The following CAMK1D variants were observed in gnomAD, a reference collection of about 807,000 sequenced individuals.
CAMK1D encodes the protein calcium/calmodulin dependent protein kinase ID.
A neutral mutation model predicts 47.7 loss-of-function variants in CAMK1D; 9 were observed. The ratio of observed to expected loss-of-function variants is 0.19; its 90% confidence interval spans 0.11 to 0.33. CAMK1D has a LOEUF of 0.33. Ranked by LOEUF, CAMK1D falls within the 10% of genes least tolerant of loss-of-function variation. The pLI, the probability that CAMK1D is intolerant of heterozygous loss-of-function variation, is 1.00. For synonymous variants in CAMK1D, 184 were observed against 184.9 expected (o/e 0.99, Z 0.04); for missense variants, 291 against 488.7 (o/e 0.60, Z 3.81).
chr10:12,475,397 G>GTCTGTT lies in CAMK1D; in HGVS notation c.93-77825_93-77820dup, dbSNP rs1833872603. ...ATACTGTATGTGTCCTTTGTGTCTG[G>GTCTGTT]TCTGTTTCACTTAGCATAATGTCCT... On this transcript the variant is annotated intron_variant, in intron 1 of 10. Coordinates refer to ENST00000619168, the MANE Select transcript of CAMK1D (RefSeq NM_153498.4). Among the ~76,000 whole-genome samples, 3 of 152,108 alleles carry GTCTGTT rather than the reference G, an allele frequency of 2.0e-5. No individual in the cohort carries two copies. The South Asian group carries it at 6.2e-4, about 32-fold the overall frequency.
At chr10:12,748,694 C>G (rs765005192) in intron 3 of CAMK1D, among the ~76,000 whole-genome samples, 8 of 152,146 alleles carry the variant, frequency 5.3e-5, no homozygotes, top group Admixed American at 4.6e-4. Flanking sequence ...GTGACCATAG[C>G]AGGGAGAGCC....
chr10:12,808,350 C>T (rs114623851), intron 6 of CAMK1D, among the ~76,000 whole-genome samples: 1,583 of 152,302 alleles, frequency 0.01, 27 homozygotes, highest in African/African-American at 0.036. Flanking sequence ...ATTGTATTTC[C>T]AGTATCAAAC....
chr10:12,730,617 TG>T (rs1834844745), intron 3 of CAMK1D, among the ~76,000 whole-genome samples: 1 of 152,062 alleles, frequency 6.6e-6, no homozygotes, highest in Admixed American at 6.5e-5. Context: ...GACTGAGCTC[TG>T]GGGCTGACCA....
intron 1 of CAMK1D, among the ~76,000 whole-genome samples, chr10:12,489,287 C>T (rs75943238): frequency 0.023 from 3,559 of 152,118 alleles, 113 homozygotes; most frequent in African/African-American, 0.066. Flanking sequence ...GTTTATGGCC[C>T]GCAGGCTGAG....
chr10:12,777,394 C>T (rs1351317768), intron 5 of CAMK1D, among the ~76,000 whole-genome samples: 3 of 81,614 alleles, frequency 3.7e-5, no homozygotes, highest in South Asian at 4.3e-4. Context: ...TTTTTTGAGA[C>T]GGAGTTTTGC....
intron 1 of CAMK1D, among the ~76,000 whole-genome samples, chr10:12,552,605 G>A (rs550578534): frequency 1.4e-4 from 22 of 152,328 alleles, no homozygotes; most frequent in African/African-American, 5.1e-4. Flanking sequence ...GAGCGTTCTT[G>A]TTGGCTCCAA....
In CAMK1D at chr10:12,829,005, C is replaced by G; in HGVS notation, c.*118C>G. 1.5e-6 allele frequency: 1 copy of G among 682,512 alleles called. No homozygotes were observed. Among genetic ancestry groups the G allele is most frequent in the Non-Finnish European group, 2.4e-6 (1 of 416,914 alleles). 42.3% of individuals were successfully genotyped at this position (682,512 alleles called of 1,614,324 possible). On this transcript the variant is annotated 3_prime_UTR_variant, in exon 11 of 11. Transcript: ENST00000619168. ...GCATGGTGCCCCTTCCTGCATAGGA[C>G]TGGAAGACCGAAGTTTTTTTATGGC... is the stretch of plus-strand genomic sequence containing the variant.
At chr10:12,533,581 A>G (rs1320552354) in intron 1 of CAMK1D, among the ~76,000 whole-genome samples, 1 of 152,160 alleles carries the variant, frequency 6.6e-6, no homozygotes, top group Non-Finnish European at 1.5e-5. Context: ...CTTTAGTGCC[A>G]TTATTATAAT....
At chr10:12,720,056 C>T (rs1434949056) in intron 3 of CAMK1D, among the ~76,000 whole-genome samples, 2 of 152,176 alleles carry the variant, frequency 1.3e-5, no homozygotes, top group African/African-American at 2.4e-5. Context: ...CATGTGATAC[C>T]AAGGACTGGT....
At chr10:12,785,813 A>G (rs1444169115) in intron 5 of CAMK1D, among the ~76,000 whole-genome samples, 1 of 152,180 alleles carries the variant, frequency 6.6e-6, no homozygotes, top group Non-Finnish European at 1.5e-5. Flanking sequence ...TATGTACCTC[A>G]CCACAGCTGA....
intron 1 of CAMK1D, among the ~76,000 whole-genome samples, chr10:12,459,595 G>A (rs1833364130): frequency 6.6e-6 from 1 of 152,172 alleles, no homozygotes; most frequent in Admixed American, 6.6e-5. Context: ...ATCCCAGGGC[G>A]ATAGCTCCAT....
intron 2 of CAMK1D, among the ~76,000 whole-genome samples, chr10:12,628,549 C>T (rs928137000): frequency 6.6e-6 from 1 of 152,126 alleles, no homozygotes; most frequent in Non-Finnish European, 1.5e-5. Flanking sequence ...TAGGGTGGTA[C>T]ATTTGTTATA....
chr10:12,410,362 C>T (rs956058757), intron 1 of CAMK1D, among the ~76,000 whole-genome samples: 6 of 152,108 alleles, frequency 3.9e-5, no homozygotes, highest in Admixed American at 2.6e-4. Context: ...CCAGTTGGTG[C>T]ACTTGTCTGA....
intron 1 of CAMK1D, among the ~76,000 whole-genome samples, chr10:12,509,811 G>A (rs575401167): frequency 9.9e-5 from 15 of 152,278 alleles, no homozygotes; most frequent in African/African-American, 2.4e-4. Context: ...AAGTCCTGCC[G>A]TTCTACATAA....
At chr10:12,528,261 G>A (rs1835690689) in intron 1 of CAMK1D, among the ~76,000 whole-genome samples, 1 of 152,220 alleles carries the variant, frequency 6.6e-6, no homozygotes, top group Non-Finnish European at 1.5e-5. Context: ...GCATGTTAAT[G>A]TCTTAACACT....
In CAMK1D at chr10:12,660,363, C is replaced by G. The variant is rs190914986; in HGVS notation, c.225-6373C>G. Among the ~76,000 whole-genome samples, 209 of 152,310 alleles carry G rather than the reference C, an allele frequency of 1.4e-3. 1 individual carries two copies. Among genetic ancestry groups the G allele is most frequent in the African/African-American group, 4.9e-3 (202 of 41,572 alleles). On this transcript the variant is annotated intron_variant, in intron 2 of 10. Transcript: ENST00000619168. ...TGGAGGGGAAGATGTTACTCTCACTCCACAGAAGCACGTGTAGTCAGTAGC... is the reference window on the plus strand; with the variant it reads ...TGGAGGGGAAGATGTTACTCTCACTGCACAGAAGCACGTGTAGTCAGTAGC...
chr10:12,426,331 C>T (rs993679043), intron 1 of CAMK1D, among the ~76,000 whole-genome samples: 33 of 152,130 alleles, frequency 2.2e-4, no homozygotes, highest in African/African-American at 7.7e-4. Flanking sequence ...ACTGCAACGT[C>T]CACCTCCCAG....
chr10:12,811,253 C>T (rs17152277), intron 6 of CAMK1D, among the ~76,000 whole-genome samples: 13,214 of 152,270 alleles, frequency 0.087, 1,926 homozygotes, highest in African/African-American at 0.3. Flanking sequence ...CTGGAACATT[C>T]GTTAACAACC....
chr10:12,793,628 C>T (rs764936702), intron 6 of CAMK1D, among the ~76,000 whole-genome samples: 1 of 152,198 alleles, frequency 6.6e-6, no homozygotes, highest in Non-Finnish European at 1.5e-5. Context: ...TGCAGACAGC[C>T]ACCTTCTTGC....
Sources: allele counts gnomAD v4.1 joint callset (sites outside exome capture counted in the v4.1 genomes callset), GRCh38; gene constraint gnomAD v4.1.1; transcripts MANE v1.5; gene names NCBI Gene and HGNC (gene_info 2026-07-23, HGNC 2026-07-21).